Variants in DAB1 observed in about 807,000 individuals in gnomAD.
DAB1 encodes the protein DAB adaptor protein 1, also known as disabled homolog 1.
DAB1 carries 15 observed loss-of-function variants against 64.6 expected under a neutral mutation model. That is an observed-to-expected ratio of 0.23 (90% confidence interval 0.16 to 0.36). The LOEUF (loss-of-function observed/expected upper bound fraction) is 0.36. Among genes scored for constraint, DAB1 ranks in the 10% least tolerant of loss-of-function variants. The probability of loss-of-function intolerance (pLI) is 1.00; values close to 1 mark genes in which losing one functional copy is unlikely to be tolerated. For synonymous variants in DAB1, 235 were observed against 251.9 expected (o/e 0.93, Z 0.64); for missense variants, 596 against 706.7 (o/e 0.84, Z 1.78).
In DAB1 at chr1:57,415,280, CATATAT is replaced by C. The variant is rs139423676; in HGVS notation, c.-137+8644_-137+8649del. ...ACACACACACACACACACACACACACATATATGCACACACTCCACATGGATTAGAGA... is the reference window on the plus strand; with the variant it reads ...ACACACACACACACACACACACACACGCACACACTCCACATGGATTAGAGA... On this transcript the variant is annotated intron_variant, in intron 1 of 14. Transcript: ENST00000371236. 6.1e-4 allele frequency among the ~76,000 whole-genome samples: 89 copies of C among 145,382 alleles called. No homozygotes were observed. The Middle Eastern group carries it at 0.01, about 17-fold the overall frequency.
chr1:58,407,307 A>C lies in DAB1; in HGVS notation n.258-63904T>G, dbSNP rs116248329. On this transcript the variant is annotated intron_variant and non_coding_transcript_variant, in intron 3 of 20. Coordinates refer to the DAB1 transcript ENST00000485760. ...TTAGTCTCCCTTCCACCCCTTTTCT[A>C]TCTCTACTAGAATTGCAAACTCCAT... Among the ~76,000 whole-genome samples the C allele has an allele frequency of 5.2e-3, 792 of 152,060 alleles. 8 individuals are homozygous for C. Among genetic ancestry groups the C allele is most frequent in the African/African-American group, 0.018 (762 of 41,474 alleles).
At position 57,312,472 on chromosome 1, in the gene DAB1, C is replaced by T. The variant is rs536151847; in HGVS notation, c.-136-21306G>A. ...GGGAAAGTGAAGTCCAAAGAGGGGA[C>T]ACATAATTTTATCTAAGCAGATGCC... On this transcript the variant is annotated intron_variant, in intron 1 of 14. Coordinates refer to ENST00000371236, the MANE Select transcript of DAB1 (RefSeq NM_001365792.1). Among the ~76,000 whole-genome samples the T allele has an allele frequency of 6.6e-5, 10 of 152,220 alleles. No homozygotes were observed. The South Asian group carries it at 8.3e-4, about 13-fold the overall frequency.
chr1:57,401,855 G>A lies in DAB1; in HGVS notation c.-137+22075C>T, dbSNP rs751562328. The stretch of plus-strand genomic sequence containing the variant: ...AACTCAATTCAGCATAGATGACTCA[G>A]CAGAGGTGACCATGGAGATTTGCTA... On this transcript the variant is annotated intron_variant, in intron 1 of 14. Coordinates refer to ENST00000371236, the MANE Select transcript of DAB1 (RefSeq NM_001365792.1). 3.3e-5 allele frequency among the ~76,000 whole-genome samples: 5 copies of A among 152,290 alleles called. 1 individual carries two copies. Among genetic ancestry groups the A allele is most frequent in the South Asian group, 4.1e-4 (2 of 4,826 alleles).
intron 6 of DAB1, among the ~76,000 whole-genome samples, chr1:57,752,276 G>A (rs1648592731): frequency 6.6e-6 from 1 of 152,108 alleles, no homozygotes; most frequent in Non-Finnish European, 1.5e-5. Context: ...CAACCCAAGG[G>A]GTTTGATTTT....
intron 3 of DAB1, among the ~76,000 whole-genome samples, chr1:58,425,497 T>C (rs1432507597): frequency 1.3e-5 from 2 of 152,160 alleles, no homozygotes; most frequent in Non-Finnish European, 2.9e-5. Flanking sequence ...AGAGCATCAG[T>C]GTTAGATGCA....
At chr1:57,857,687 T>C (rs546496363) in intron 1 of DAB1, among the ~76,000 whole-genome samples, 1 of 152,266 alleles carries the variant, frequency 6.6e-6, no homozygotes, top group African/African-American at 2.4e-5. Flanking sequence ...CATTCAACCA[T>C]CTACTATTTA....
intron 7 of DAB1, among the ~76,000 whole-genome samples, chr1:57,569,191 G>A (rs1253127947): frequency 1.3e-4 from 18 of 140,422 alleles, no homozygotes; most frequent in African/African-American, 2.9e-4. Flanking sequence ...CCCAGGGGGC[G>A]GAGCCTGCAG....
chr1:58,529,124 T>A (rs1272819779), intron 1 of DAB1, among the ~76,000 whole-genome samples: 1 of 152,218 alleles, frequency 6.6e-6, no homozygotes, highest in African/African-American at 2.4e-5. Flanking sequence ...ACCAATCTTT[T>A]ATTTTCTCTT....
chr1:57,313,456 T>A (rs1283261519), intron 1 of DAB1, among the ~76,000 whole-genome samples: 1 of 152,210 alleles, frequency 6.6e-6, no homozygotes, highest in Non-Finnish European at 1.5e-5. Flanking sequence ...TCTTCTGAGT[T>A]TAAAAGAAGT....
intron 3 of DAB1, among the ~76,000 whole-genome samples, chr1:58,344,405 T>A (rs750655146): frequency 6.6e-6 from 1 of 152,174 alleles, no homozygotes; most frequent in Non-Finnish European, 1.5e-5. Context: ...GCCAGGGACA[T>A]AATTGGTATA....
At chr1:58,542,370 G>T (rs1331877951) in intron 1 of DAB1, 1 of 152,206 alleles carries the variant, frequency 6.6e-6, no homozygotes, top group Admixed American at 6.5e-5. Context: ...GAGTTATGCA[G>T]CACAGAATAT....
intron 4 of DAB1, among the ~76,000 whole-genome samples, chr1:58,338,911 G>C (rs971569381): frequency 6.6e-6 from 1 of 152,026 alleles, no homozygotes; most frequent in Non-Finnish European, 1.5e-5. Context: ...AGACACAAAA[G>C]GTCACATATT....
intron 3 of DAB1, among the ~76,000 whole-genome samples, chr1:58,365,862 G>C (rs1288111251): frequency 6.6e-6 from 1 of 152,116 alleles, no homozygotes; most frequent in East Asian, 1.9e-4. Flanking sequence ...CCTCACCCTA[G>C]TCCTGACCCT....
At chr1:57,079,898 A>T (rs574536058) in intron 4 of DAB1, among the ~76,000 whole-genome samples, 62 of 152,210 alleles carry the variant, frequency 4.1e-4, no homozygotes, top group Non-Finnish European at 7.2e-4. Flanking sequence ...GGAGTGGGAG[A>T]GACCCCTCAG....
At chr1:57,057,051 G>T (rs1190185517) in intron 9 of DAB1, among the ~76,000 whole-genome samples, 1 of 152,042 alleles carries the variant, frequency 6.6e-6, no homozygotes, top group African/African-American at 2.4e-5. Context: ...GAAAGGAGGG[G>T]TTCCTGAGGA....
chr1:57,237,371 C>A (rs1668169469), intron 2 of DAB1, among the ~76,000 whole-genome samples: 7 of 150,912 alleles, frequency 4.6e-5, no homozygotes, highest in Admixed American at 4.6e-4. Flanking sequence ...TTTTTAATAG[C>A]CTGGAGGTAA....
chr1:57,064,887 G>T (rs1429685648), intron 8 of DAB1, among the ~76,000 whole-genome samples: 1 of 152,128 alleles, frequency 6.6e-6, no homozygotes, highest in Non-Finnish European at 1.5e-5. Context: ...CCATCTAAAA[G>T]AAATCCTCTA....
At chr1:57,770,897 T>C (rs1649528369) in intron 6 of DAB1, among the ~76,000 whole-genome samples, 1 of 152,094 alleles carries the variant, frequency 6.6e-6, no homozygotes, top group African/African-American at 2.4e-5. Flanking sequence ...GATACACAGA[T>C]GGGCACTGCA....
intron 7 of DAB1, among the ~76,000 whole-genome samples, chr1:57,597,200 C>T (rs375503501): frequency 3.3e-5 from 5 of 152,334 alleles, no homozygotes; most frequent in African/African-American, 1.2e-4. Flanking sequence ...ATCAGAAAGG[C>T]CTAATCAAAG....
Sources: gnomAD v4.1 joint callset for allele counts (sites outside exome capture counted in the v4.1 genomes callset) on GRCh38, gnomAD v4.1.1 for gene constraint, MANE v1.5 for transcripts, NCBI Gene and HGNC (gene_info 2026-07-23, HGNC 2026-07-21) for gene names.